CNTNAP2: variants seen among roughly 807,000 people sequenced by gnomAD.
CNTNAP2 encodes contactin associated protein 2, also known as contactin-associated protein-like 2.
A neutral mutation model predicts 155.2 loss-of-function variants in CNTNAP2; 98 were observed. The observed-to-expected ratio is 0.63, with a 90% CI of 0.54 to 0.75. The LOEUF is 0.75. CNTNAP2 is among the 30% of genes least tolerant of loss of function. The pLI is 0.00. For synonymous variants in CNTNAP2, 651 were observed against 631.2 expected (o/e 1.03, Z -0.47); for missense variants, 1,727 against 1,688.1 (o/e 1.02, Z -0.40).
intron 5 of CNTNAP2, among the ~76,000 whole-genome samples, chr7:147,119,908 A>T (rs1801068372): frequency 6.6e-6 from 1 of 152,226 alleles, no homozygotes; most frequent in Non-Finnish European, 1.5e-5. Flanking sequence ...GACCATAAAA[A>T]GCAATTCTTG....
intron 13 of CNTNAP2, among the ~76,000 whole-genome samples, chr7:147,728,229 G>A (rs1053753940): frequency 6.6e-6 from 1 of 151,894 alleles, no homozygotes; most frequent in Non-Finnish European, 1.5e-5. Context: ...AAACAAAAGT[G>A]TTAGCAGAAT....
At chr7:147,023,823 GT>G (rs1258928667) in intron 3 of CNTNAP2, among the ~76,000 whole-genome samples, 1 of 152,104 alleles carries the variant, frequency 6.6e-6, no homozygotes, top group Admixed American at 6.5e-5. Context: ...AACTTATTTG[GT>G]TTTCACCTTA....
intron 2 of CNTNAP2, among the ~76,000 whole-genome samples, chr7:146,807,330 A>C (rs111329613): frequency 5.9e-5 from 9 of 152,204 alleles, no homozygotes; most frequent in African/African-American, 1.9e-4. Flanking sequence ...TATTTTAATA[A>C]TATATTTTTT....
At chr7:147,087,533 G>C (rs979302365) in intron 4 of CNTNAP2, among the ~76,000 whole-genome samples, 3 of 152,154 alleles carry the variant, frequency 2.0e-5, no homozygotes, top group Non-Finnish European at 4.4e-5. Flanking sequence ...ATTGGCTCTT[G>C]TCTAATGACA....
At chr7:146,959,810 C>G (rs907784467) in intron 3 of CNTNAP2, among the ~76,000 whole-genome samples, 3 of 151,648 alleles carry the variant, frequency 2.0e-5, no homozygotes, top group African/African-American at 7.3e-5. Context: ...TGAGCCAAAG[C>G]AAAGGTTTCA....
At chr7:146,846,297 A>G (rs1182007793) in intron 3 of CNTNAP2, among the ~76,000 whole-genome samples, 1 of 150,570 alleles carries the variant, frequency 6.6e-6, no homozygotes, top group East Asian at 2.0e-4. Flanking sequence ...ATAATTTTAT[A>G]GATAGCTTAT....
rs1203295569 is a variant in CNTNAP2, at chr7:146,330,984, G to A, written c.97+214011G>A. Among the ~76,000 whole-genome samples the A allele has an allele frequency of 5.9e-5, 9 of 152,144 alleles. No homozygotes were observed. The East Asian group carries it at 1.7e-3, about 29-fold the overall frequency. On this transcript the variant is annotated intron_variant, in intron 1 of 23. Transcript: ENST00000361727. ...TAACCAAATTGCCTGTAAGATATAA[G>A]CAATGATCAGAAGGTGTTGTTCAAT...
At chr7:148,076,422 C>CTTTTTTTTTTTTTTTTTTTTT (rs771048326) in intron 15 of CNTNAP2, among the ~76,000 whole-genome samples, 1 of 49,802 alleles carries the variant, frequency 2.0e-5, no homozygotes, top group African/African-American at 9.3e-5. Context: ...GCTCTGACTT[C>CTTTTTTTTTTTTTTTTTTTTT]TTTTTTTTTT....
intron 19 of CNTNAP2, among the ~76,000 whole-genome samples, chr7:148,219,662 T>C (rs960259411): frequency 5.9e-5 from 9 of 152,158 alleles, no homozygotes; most frequent in African/African-American, 2.2e-4. Context: ...CAAGACTCCA[T>C]CTCTACCAAA....
chr7:146,369,563 G>A (rs1795204184), intron 1 of CNTNAP2, among the ~76,000 whole-genome samples: 1 of 152,086 alleles, frequency 6.6e-6, no homozygotes, highest in Non-Finnish European at 1.5e-5. Flanking sequence ...TATATAAAAT[G>A]TATAACAGAA....
At chr7:146,507,083 A>T (rs578076241) in intron 1 of CNTNAP2, among the ~76,000 whole-genome samples, 1 of 152,246 alleles carries the variant, frequency 6.6e-6, no homozygotes, top group East Asian at 1.9e-4. Context: ...GCTAAGGTGG[A>T]TATCTCTGCC....
intron 20 of CNTNAP2, among the ~76,000 whole-genome samples, chr7:148,249,659 C>T (rs1397289600): frequency 6.6e-6 from 1 of 152,220 alleles, no homozygotes; most frequent in Non-Finnish European, 1.5e-5. Flanking sequence ...CACAACCTGC[C>T]CTGCTTATAG....
At chr7:147,647,133 G>A (rs1368254794) in intron 13 of CNTNAP2, among the ~76,000 whole-genome samples, 9 of 151,570 alleles carry the variant, frequency 5.9e-5, no homozygotes, top group Non-Finnish European at 8.8e-5. Context: ...GACTACAGGC[G>A]CATGCTGCCA....
chr7:148,352,702 G>T (rs1202050731), intron 21 of CNTNAP2, among the ~76,000 whole-genome samples: 1 of 152,214 alleles, frequency 6.6e-6, no homozygotes. Context: ...GAAACTGATG[G>T]TAGGAGTATG....
intron 13 of CNTNAP2, among the ~76,000 whole-genome samples, chr7:147,839,128 T>A (rs553046168): frequency 6.6e-6 from 1 of 152,160 alleles, no homozygotes; most frequent in African/African-American, 2.4e-5. Flanking sequence ...TAAGCCAGTC[T>A]AGTCTTTCCA....
intron 3 of CNTNAP2, among the ~76,000 whole-genome samples, chr7:146,845,658 T>C (rs1222418126): frequency 2.0e-5 from 3 of 152,190 alleles, no homozygotes; most frequent in Non-Finnish European, 4.4e-5. Flanking sequence ...CTCTTATTCA[T>C]GATTGAAAAT....
intron 21 of CNTNAP2, among the ~76,000 whole-genome samples, chr7:148,368,872 T>G (rs1405834102): frequency 6.6e-6 from 1 of 152,194 alleles, no homozygotes; most frequent in African/African-American, 2.4e-5. Flanking sequence ...CTGGAGTCTA[T>G]AGATAACATC....
intron 3 of CNTNAP2, among the ~76,000 whole-genome samples, chr7:146,842,711 A>C (rs1018922402): frequency 6.6e-6 from 1 of 152,022 alleles, no homozygotes; most frequent in Non-Finnish European, 1.5e-5. Flanking sequence ...TCTGAGACGG[A>C]GTCTCGCTCT....
Position 146,403,792 on chromosome 7 carries a change from C to G in CNTNAP2, c.97+286819C>G, listed in dbSNP as rs551158636. Among the ~76,000 whole-genome samples, 6 of 152,218 alleles carry G rather than the reference C, an allele frequency of 3.9e-5. No homozygotes were observed. In the South Asian group the frequency reaches 1.0e-3, roughly 26 times the overall value. On this transcript the variant is annotated intron_variant, in intron 1 of 23. Transcript: ENST00000361727. ...TCCAAACATAGGTCTAGAACAGAGA[C>G]TAGCACTGTCTTCACTGGGATAGTC... is the stretch of plus-strand genomic sequence containing the variant.
Sources: allele counts gnomAD v4.1 joint callset (sites outside exome capture counted in the v4.1 genomes callset), GRCh38; gene constraint gnomAD v4.1.1; transcripts MANE v1.5; gene names NCBI Gene and HGNC (gene_info 2026-07-23, HGNC 2026-07-21).